PDCL: variants seen among roughly 807,000 people sequenced by gnomAD.
PDCL encodes the protein phosducin-like protein.
A neutral mutation model predicts 26.7 loss-of-function variants in PDCL; 11 were observed. That is an observed-to-expected ratio of 0.41 (90% CI 0.26 to 0.68). PDCL has a LOEUF of 0.68. Ranked by LOEUF, PDCL falls within the 30% of genes least tolerant of loss-of-function variation. PDCL has a pLI of 0.30. For synonymous variants in PDCL, 118 were observed against 134.9 expected (o/e 0.87, Z 0.87); for missense variants, 330 against 371.6 (o/e 0.89, Z 0.92).
chr9:122,824,406 T>C (rs1282705854), intron 2 of PDCL, among the ~76,000 whole-genome samples: 2 of 152,202 alleles, frequency 1.3e-5, no homozygotes, highest in Non-Finnish European at 2.9e-5. Context: ...GAAAACGGTG[T>C]GTCCTAAATA....
chr9:122,827,397 T>C (rs548503249), intron 1 of PDCL, among the ~76,000 whole-genome samples: 2 of 152,208 alleles, frequency 1.3e-5, no homozygotes, highest in East Asian at 3.9e-4. Flanking sequence ...GAAGGGCCCA[T>C]ACAAAGATTT....
At chr9:122,826,842 C>A (rs995449883) in intron 1 of PDCL, 50 bp from the exon 2 acceptor site, 19 of 1,577,138 alleles carry the variant, frequency 1.2e-5, no homozygotes, top group Non-Finnish European at 1.6e-5. Flanking sequence ...GCCAGACAGA[C>A]ATGAATCTGA....
At position 122,818,993 on chromosome 9, in the gene PDCL, T is replaced by C. The variant is rs1380419597; in HGVS notation, c.*1092A>G. The C allele has an allele frequency of 6.6e-6, 1 of 152,070 alleles. No homozygotes were observed. The highest frequency in any genetic ancestry group is 1.9e-4 in the East Asian group (1 of 5,202). 9.4% of individuals were successfully genotyped at this position (152,070 alleles called of 1,614,324 possible). A position where few individuals can be genotyped will look rare whatever the true frequency, so the allele number is the denominator to read the frequency against. Reference sequence around the variant, plus strand: ...TCACATCTATACGATGGAATATTAATAGACATTTTTAAAAAGTTGTAGAAT... The same window carrying C: ...TCACATCTATACGATGGAATATTAACAGACATTTTTAAAAAGTTGTAGAAT... On this transcript the variant is annotated 3_prime_UTR_variant, in exon 4 of 4. Transcript: ENST00000259467.
rs1049812465 is a variant in PDCL, at chr9:122,819,666, A to C, written c.*419T>G. The C allele has an allele frequency of 6.5e-6, 1 of 154,464 alleles. No homozygotes were observed. Among genetic ancestry groups the C allele is most frequent in the African/African-American group, 2.4e-5 (1 of 41,492 alleles). The allele number at this position is 154,464 out of a possible 1,614,324, so 9.6% of individuals were successfully genotyped here. On this transcript the variant is annotated 3_prime_UTR_variant, in exon 4 of 4. Coordinates refer to ENST00000259467, the MANE Select transcript of PDCL (RefSeq NM_005388.5). ...ATGGAACTGATTACAAGTAAATATAATTTACAATCATTTGATTAAGAAAAT... is the reference window on the plus strand; with the variant it reads ...ATGGAACTGATTACAAGTAAATATACTTTACAATCATTTGATTAAGAAAAT...
intron 2 of PDCL, among the ~76,000 whole-genome samples, chr9:122,824,370 C>T (rs1829595563): frequency 6.6e-6 from 1 of 152,292 alleles, no homozygotes; most frequent in South Asian, 2.1e-4. Context: ...CCAACAGCTC[C>T]TCTCTTGCTC....
At chr9:122,822,982 A>G in intron 3 of PDCL, 34 bp downstream of exon 3, 1 of 1,585,686 alleles carries the variant, frequency 6.3e-7, no homozygotes, top group South Asian at 1.1e-5. Context: ...CAGCCACAGC[A>G]GACTCTAAGA....
Position 122,819,073 on chromosome 9 carries a change from C to T in PDCL, c.*1012G>A, listed in dbSNP as rs1157467688. ...ATTATTAGCTGACCATACTATAGAACAGTATGTTCAGAATGATCCCATCGT... is the reference window on the plus strand; with the variant it reads ...ATTATTAGCTGACCATACTATAGAATAGTATGTTCAGAATGATCCCATCGT... On this transcript the variant is annotated 3_prime_UTR_variant, in exon 4 of 4. Coordinates refer to ENST00000259467, the MANE Select transcript of PDCL (RefSeq NM_005388.5). 6.6e-6 allele frequency: 1 copy of T among 151,792 alleles called. No individual in the cohort carries two copies. The highest frequency in any genetic ancestry group is 1.9e-4 in the East Asian group (1 of 5,194). The allele number at this position is 151,792 out of a possible 1,614,324, so 9.4% of individuals were successfully genotyped here.
intron 2 of PDCL, among the ~76,000 whole-genome samples, chr9:122,825,135 C>T (rs1829605955): frequency 6.6e-6 from 1 of 151,108 alleles, no homozygotes; most frequent in Admixed American, 6.6e-5. Context: ...AATGAAATCA[C>T]AAAAATACTA....
At chr9:122,826,832 G>A in intron 1 of PDCL, 40 bp from the exon 2 acceptor site, 1 of 1,596,750 alleles carries the variant, frequency 6.3e-7, no homozygotes, top group Non-Finnish European at 8.6e-7. Context: ...GCTGATTTGA[G>A]CCAGACAGAC....
intron 3 of PDCL, 78 bp downstream of exon 3, chr9:122,822,938 T>C: frequency 7.7e-7 from 1 of 1,294,436 alleles, no homozygotes; most frequent in South Asian, 1.2e-5. Context: ...AAATCAAGCA[T>C]CCTCCACCTC....
chr9:122,824,588 GA>G (rs1185516068), intron 2 of PDCL, among the ~76,000 whole-genome samples: 1 of 151,772 alleles, frequency 6.6e-6, no homozygotes, highest in African/African-American at 2.4e-5. Flanking sequence ...TGGTTTCACA[GA>G]AAAAAAATAT....
Position 122,819,923 on chromosome 9 carries a change from G to T in PDCL, c.*162C>A, listed in dbSNP as rs1458920635. The T allele has an allele frequency of 5.1e-6, 3 of 584,762 alleles. No homozygotes were observed. Among genetic ancestry groups the T allele is most frequent in the East Asian group, 6.0e-5 (2 of 33,320 alleles). 36.2% of individuals were successfully genotyped at this position (584,762 alleles called of 1,614,324 possible). On this transcript the variant is annotated 3_prime_UTR_variant, in exon 4 of 4. Coordinates refer to ENST00000259467, the MANE Select transcript of PDCL (RefSeq NM_005388.5). ...AAGTCACCTTATTGCTAGCTACAAG[G>T]TTATTCAGCATTCTGATTTAATCTA... is the stretch of plus-strand genomic sequence containing the variant.
chr9:122,825,253 C>T (rs1156959036), intron 2 of PDCL, among the ~76,000 whole-genome samples: 2 of 151,976 alleles, frequency 1.3e-5, no homozygotes, highest in African/African-American at 2.4e-5. Flanking sequence ...CCTCTGCCTC[C>T]GGGGTTCAAG....
At chr9:122,822,961 C>A in intron 3 of PDCL, 55 bp downstream of exon 3, 1 of 1,496,606 alleles carries the variant, frequency 6.7e-7, no homozygotes, top group Non-Finnish European at 9.3e-7. Context: ...GAATCACTCA[C>A]CCAGCTCTAG....
At chr9:122,826,884 A>C in intron 1 of PDCL, 92 bp from the exon 2 acceptor site, 3 of 1,172,834 alleles carry the variant, frequency 2.6e-6, no homozygotes, top group Admixed American at 2.0e-5. Flanking sequence ...CTGAGATCCT[A>C]CAATTTCCAG....
Position 122,820,013 on chromosome 9 carries a change from A to T in PDCL, c.*72T>A. 1 of 1,313,892 alleles carries T rather than the reference A, an allele frequency of 7.6e-7. No individual in the cohort carries two copies. Among genetic ancestry groups the T allele is most frequent in the Non-Finnish European group, 1.0e-6 (1 of 953,010 alleles). The allele number at this position is 1,313,892 out of a possible 1,614,324, so 81.4% of individuals were successfully genotyped here. On this transcript the variant is annotated 3_prime_UTR_variant, in exon 4 of 4. Coordinates refer to ENST00000259467, the MANE Select transcript of PDCL (RefSeq NM_005388.5). ...AGAACAGCTGAAAAGCCAGAAGACA[A>T]AGGAACAAAAATAAACAATGACGTG...
Position 122,826,641 on chromosome 9 carries a change from T to C in PDCL, c.147A>G (p.Ala49=), listed in dbSNP as rs1278938278. The C allele has an allele frequency of 1.2e-6, 2 of 1,614,078 alleles. No individual in the cohort carries two copies. Among genetic ancestry groups the C allele is most frequent in the Non-Finnish European group, 1.7e-6 (2 of 1,180,032 alleles). The part of the protein sequence containing the change: ...SSSVPAEAEL[A]GEGISVNTGP... ...CTGTGTTAACTGAGATGCCTTCGCC[T>C]GCCAGCTCAGCCTCTGCAGGCACAG... Residue 49 remains alanine (A), a synonymous_variant, in exon 2 of 4, where the codon GCA becomes GCG. Transcript: ENST00000259467.
rs992896754 is a variant in PDCL at position 122,820,542 on chromosome 9, T to C, written c.449A>G (p.Gln150Arg). ...YRKQRMEEMR[Q>R]QLHKGPQFKQ... ...GAATTGGGGCCCCTTGTGAAGCTGC[T>C]GCCGCATCTCTTCCATTCGCTGCTT... Residue 150 changes from glutamine to arginine, a missense_variant, in exon 4 of 4, where the codon CAG (glutamine) becomes CGG (arginine). Transcript: ENST00000259467. The C allele has an allele frequency of 1.9e-6, 3 of 1,614,148 alleles. No individual in the cohort carries two copies. Among genetic ancestry groups the C allele is most frequent in the South Asian group, 2.2e-5 (2 of 91,090 alleles).
chr9:122,821,847 C>T (rs1173393211), intron 3 of PDCL, among the ~76,000 whole-genome samples: 2 of 152,110 alleles, frequency 1.3e-5, no homozygotes, highest in Non-Finnish European at 1.5e-5. Flanking sequence ...AAGACATCCT[C>T]GCTCCTCTCA....
Sources: allele counts gnomAD v4.1 joint callset (sites outside exome capture counted in the v4.1 genomes callset), GRCh38; gene constraint gnomAD v4.1.1; transcripts MANE v1.5; gene names NCBI Gene and HGNC (gene_info 2026-07-23, HGNC 2026-07-21).